Variants in GEMIN8 observed in about 807,000 individuals in gnomAD.
GEMIN8 encodes gem nuclear organelle associated protein 8.
For synonymous variants in GEMIN8, 80 were observed against 78.5 expected, an observed-to-expected ratio of 1.02 and a Z score of -0.10; for missense variants, 185 against 205.9, an observed-to-expected ratio of 0.90 and a Z score of 0.62.
At chrX:14,022,024 T>C (rs921803276) in intron 2 of GEMIN8, among the ~76,000 whole-genome samples, 1 of 101,139 alleles carries the variant, frequency 9.9e-6, no homozygotes, top group Admixed American at 1.1e-4. Context: ...TACACATGTA[T>C]ATATACACAT....
the GEMIN8 span, among the ~76,000 whole-genome samples, chrX:13,991,435 G>A: frequency 2.7e-5 from 3 of 111,840 alleles, no homozygotes; most frequent in Non-Finnish European, 3.8e-5. Flanking sequence ...CTGAACAGAG[G>A]CATCAGAAGT....
intron 1 of GEMIN8, 56 bp from the exon 2 acceptor site, chrX:14,026,277 A>G (rs1163235658): frequency 2.7e-6 from 2 of 752,494 alleles, no homozygotes; most frequent in East Asian, 3.0e-4. Context: ...AGCTCTACAA[A>G]CCCGGCAGCC....
chrX:13,985,558 G>T, the GEMIN8 span, among the ~76,000 whole-genome samples: 1,456 of 111,843 alleles, frequency 0.013, 20 homozygotes, highest in African/African-American at 0.045. Flanking sequence ...CTCAACCAGT[G>T]CCCAATTTGT....
chrX:14,014,410 C>G (rs878927653), intron 4 of GEMIN8: 1 of 751,122 alleles, frequency 1.3e-6, no homozygotes, highest in Admixed American at 8.9e-5. Context: ...CAAATGTAAT[C>G]CTGAAGTTAC....
At chrX:13,989,814 T>C in the GEMIN8 span, among the ~76,000 whole-genome samples, 2 of 112,383 alleles carry the variant, frequency 1.8e-5, no homozygotes, top group Non-Finnish European at 3.8e-5. Flanking sequence ...TTTAGAGGAG[T>C]ACTTGAGTGA....
the GEMIN8 span, among the ~76,000 whole-genome samples, chrX:13,992,225 C>G: frequency 1.8e-5 from 2 of 112,014 alleles, no homozygotes; most frequent in African/African-American, 6.5e-5. Context: ...TAGTCCTGTG[C>G]CTCACCTCTC....
chrX:13,996,708 A>G, the GEMIN8 span, among the ~76,000 whole-genome samples: 1 of 111,432 alleles, frequency 9.0e-6, no homozygotes, highest in Non-Finnish European at 1.9e-5. Context: ...AAGGAACACA[A>G]AAGGGGTGCA....
chrX:14,016,734 A>T (rs1180727566), intron 4 of GEMIN8, among the ~76,000 whole-genome samples: 1 of 102,637 alleles, frequency 9.7e-6, no homozygotes, highest in Non-Finnish European at 2.0e-5. Context: ...AATCCCAGCT[A>T]CTTGGGAGGC....
At chrX:14,009,241 G>C in intron 4 of GEMIN8, 72 bp from the exon 5 acceptor site, 1 of 997,505 alleles carries the variant, frequency 1.0e-6, no homozygotes, top group Non-Finnish European at 1.4e-6. Flanking sequence ...CCCAGTGAGT[G>C]CTGCTGCTGC....
the GEMIN8 span, among the ~76,000 whole-genome samples, chrX:13,987,562 C>G: frequency 8.9e-6 from 1 of 111,786 alleles, no homozygotes; most frequent in Non-Finnish European, 1.9e-5. Context: ...TCTCTCAGCT[C>G]TCCAGTTTCC....
At chrX:14,013,819 G>T in intron 4 of GEMIN8, 3 of 158,012 alleles carry the variant, frequency 1.9e-5, no homozygotes, top group Non-Finnish European at 3.1e-5. Flanking sequence ...CACCCAGGTT[G>T]TGTAATTTGT....
Position 14,009,058 on chromosome X carries a change from T to A in GEMIN8, c.584A>T (p.Glu195Val), listed in dbSNP as rs3747421. 5.8e-3 allele frequency: 7,018 copies of A among 1,210,275 alleles called. 130 individuals carry two copies. The East Asian group carries it at 0.096, about 17-fold the overall frequency. ...ACGCTTCATCTCGGCCTGGCGCCGC[T>A]CACCAGGCCTCTCAGTTGGGGCTTC... ...SVEAPTERPG[E>V]RRQAEMKRLY... The change falls in exon 5 of 5, where the codon GAG becomes GTG. Residue 195 changes from glutamate to valine, a missense_variant. Glu to Val is a moderately radical substitution (Grantham distance 121, BLOSUM62 -2). Transcript: ENST00000680255.
chrX:14,019,546 T>C (rs1924158213), intron 4 of GEMIN8, among the ~76,000 whole-genome samples: 2 of 111,695 alleles, frequency 1.8e-5, no homozygotes, highest in Middle Eastern at 4.7e-3. Flanking sequence ...CCAAGATGTG[T>C]CCCAGAGGAA....
chrX:13,999,552 A>C, the GEMIN8 span, among the ~76,000 whole-genome samples: 1 of 111,904 alleles, frequency 8.9e-6, no homozygotes, highest in Non-Finnish European at 1.9e-5. Context: ...CTGGGATTAC[A>C]GGCGTGAGCC....
the GEMIN8 span, among the ~76,000 whole-genome samples, chrX:13,998,100 G>C: frequency 1.0e-5 from 1 of 98,311 alleles, no homozygotes; most frequent in African/African-American, 3.8e-5. Flanking sequence ...TTTTGAGATA[G>C]AGTCTTGCAC....
intron 2 of GEMIN8, among the ~76,000 whole-genome samples, chrX:14,025,152 G>T (rs1964583932): frequency 9.0e-6 from 1 of 111,467 alleles, no homozygotes; most frequent in African/African-American, 3.3e-5. Context: ...AGTCAAATAA[G>T]GCATAGAAAA....
Position 14,021,508 on chromosome X carries a change from G to A in GEMIN8, c.-30C>T. On this transcript the variant is annotated 5_prime_UTR_variant, in exon 3 of 5. Coordinates refer to ENST00000680255, the MANE Select transcript of GEMIN8 (RefSeq NM_001042479.2). ...GATTGTGAAAGTCCAAATGGGTGCTGAAACTAGGAAAGAAGAATCACAGTG... is the reference window on the plus strand; with the variant it reads ...GATTGTGAAAGTCCAAATGGGTGCTAAAACTAGGAAAGAAGAATCACAGTG... 1 of 1,151,010 alleles carries A rather than the reference G, an allele frequency of 8.7e-7. No homozygotes were observed. 94.9% of individuals were successfully genotyped at this position (1,151,010 alleles called of 1,213,427 possible). A position where few individuals can be genotyped will look rare whatever the true frequency, so the allele number is the denominator to read the frequency against.
At chrX:13,989,711 C>T in the GEMIN8 span, among the ~76,000 whole-genome samples, 1 of 112,343 alleles carries the variant, frequency 8.9e-6, no homozygotes, top group African/African-American at 3.2e-5. Flanking sequence ...GGAAGAGAGG[C>T]GCCTTGGTCT....
the GEMIN8 span, among the ~76,000 whole-genome samples, chrX:13,996,933 C>CTTT: frequency 5.0e-3 from 335 of 66,769 alleles, 3 homozygotes; most frequent in African/African-American, 7.0e-3. Context: ...TGTGGCTTGT[C>CTTT]TTTTTTTTTT....
Sources: allele counts gnomAD v4.1 joint callset (sites outside exome capture counted in the v4.1 genomes callset), GRCh38; gene constraint gnomAD v4.1.1; transcripts MANE v1.5; gene names NCBI Gene and HGNC (gene_info 2026-07-23, HGNC 2026-07-21).